Variants in COL4A4 observed in about 807,000 individuals in gnomAD.
COL4A4 encodes collagen alpha-4(IV) chain.
A neutral mutation model predicts 192.9 loss-of-function variants in COL4A4; 105 were observed. The observed-to-expected ratio is 0.54, with a 90% CI of 0.46 to 0.64. The LOEUF (loss-of-function observed/expected upper bound fraction) is 0.64. Among genes scored for constraint, COL4A4 ranks in the 30% least tolerant of loss-of-function variants. The probability of loss-of-function intolerance (pLI) is 0.00; values close to 1 mark genes in which losing one functional copy is unlikely to be tolerated. For missense variants in COL4A4, 1,967 were observed against 2,169.3 expected (o/e 0.91, Z 1.85); for synonymous variants, 762 against 769.9 (o/e 0.99, Z 0.17).
chr2:227,058,669 C>T (rs577320121), intron 28 of COL4A4, among the ~76,000 whole-genome samples: 2 of 152,238 alleles, frequency 1.3e-5, no homozygotes, highest in Admixed American at 6.5e-5. Flanking sequence ...TCTTGATCAC[C>T]ATCACCCAAG....
At chr2:227,144,257 G>C (rs2063400488) in intron 3 of COL4A4, among the ~76,000 whole-genome samples, 2 of 152,064 alleles carry the variant, frequency 1.3e-5, no homozygotes, top group African/African-American at 4.8e-5. Context: ...GCTGCCTCTT[G>C]CCTGTCTCCA....
chr2:227,161,843 T>G (rs964852190), intron 1 of COL4A4, among the ~76,000 whole-genome samples: 1 of 152,092 alleles, frequency 6.6e-6, no homozygotes. Context: ...TCATAGGCTA[T>G]GCTTGCCTCC....
At chr2:227,019,400 T>C (rs1559423127) in intron 44 of COL4A4, among the ~76,000 whole-genome samples, 2 of 152,214 alleles carry the variant, frequency 1.3e-5, no homozygotes, top group African/African-American at 4.8e-5. Context: ...GGGACCAAAG[T>C]TGCTGCTAGT....
At chr2:227,133,918 A>C (rs573820107) in intron 4 of COL4A4, among the ~76,000 whole-genome samples, 1 of 152,136 alleles carries the variant, frequency 6.6e-6, no homozygotes, top group African/African-American at 2.4e-5. Flanking sequence ...AAAGAATTTA[A>C]AAAAGAAAGA....
At position 227,112,542 on chromosome 2, in the gene COL4A4, T is replaced by G. The variant is rs2061273855; in HGVS notation, c.559-829A>C. ...CCTTGGCCTTCCAAAGTGCTGGGAT[T>G]ACAGGCGTGAGCCACCACGCCTGGC... On this transcript the variant is annotated intron_variant, in intron 8 of 47. Coordinates refer to ENST00000396625, the MANE Select transcript of COL4A4 (RefSeq NM_000092.5). 5.3e-5 allele frequency among the ~76,000 whole-genome samples: 8 copies of G among 152,152 alleles called. No homozygotes were observed. The South Asian group carries it at 1.7e-3, about 32-fold the overall frequency.
chr2:227,052,722 A>AC lies in COL4A4; in HGVS notation c.2861-311_2861-310insG, dbSNP rs3835891. Among the ~76,000 whole-genome samples, 120,875 of 152,134 alleles carry AC rather than the reference A, an allele frequency of 0.79. 49,026 individuals are homozygous for AC. Among genetic ancestry groups the AC allele is most frequent in the East Asian group, 0.99 (5,120 of 5,176 alleles). On this transcript the variant is annotated intron_variant, in intron 31 of 47. Coordinates refer to ENST00000396625, the MANE Select transcript of COL4A4 (RefSeq NM_000092.5). ...AGACAGATTTGAAAAGTTCCAGTCT[A>AC]AAAAAATGTCGCTTTGTTCTATAAA...
intron 9 of COL4A4, among the ~76,000 whole-genome samples, chr2:227,110,041 G>A (rs974804463): frequency 1.3e-5 from 2 of 151,906 alleles, no homozygotes; most frequent in Non-Finnish European, 2.9e-5. Flanking sequence ...CTCAAATTGC[G>A]GAAATATAGT....
intron 41 of COL4A4, among the ~76,000 whole-genome samples, chr2:227,029,809 G>A (rs539550240): frequency 2.8e-4 from 42 of 152,190 alleles, no homozygotes; most frequent in Admixed American, 2.3e-3. Flanking sequence ...CAAATACTGG[G>A]GAAATTCAGT....
At chr2:226,994,831 C>T in the COL4A4 span, among the ~76,000 whole-genome samples, 1 of 152,164 alleles carries the variant, frequency 6.6e-6, no homozygotes, top group Non-Finnish European at 1.5e-5. Context: ...AAACTCTTTT[C>T]AGTAACGATT....
chr2:227,019,730 C>G (rs1205071072), intron 44 of COL4A4, among the ~76,000 whole-genome samples: 1 of 152,204 alleles, frequency 6.6e-6, no homozygotes, highest in Non-Finnish European at 1.5e-5. Flanking sequence ...TGCAGTGGTG[C>G]GATCTCAGCT....
chr2:227,051,699 G>A (rs1024092799), intron 32 of COL4A4, among the ~76,000 whole-genome samples: 2 of 152,134 alleles, frequency 1.3e-5, no homozygotes, highest in South Asian at 4.1e-4. Context: ...GAGAGGCACT[G>A]GTCACAATGA....
intron 35 of COL4A4, among the ~76,000 whole-genome samples, chr2:227,043,809 A>C (rs1971922847): frequency 1.3e-5 from 2 of 152,190 alleles, no homozygotes; most frequent in Admixed American, 1.3e-4. Flanking sequence ...AAAAATAAGA[A>C]CGTTTTTCTA....
intron 4 of COL4A4, among the ~76,000 whole-genome samples, chr2:227,129,827 T>G (rs1341213569): frequency 1.3e-5 from 2 of 152,242 alleles, no homozygotes; most frequent in Non-Finnish European, 2.9e-5. Context: ...CATGATCAAT[T>G]AAAACTTCCA....
chr2:227,128,201 C>G lies in COL4A4; in HGVS notation c.193-7053G>C, dbSNP rs1576716792. 5.3e-5 allele frequency among the ~76,000 whole-genome samples: 8 copies of G among 152,168 alleles called. No individual in the cohort carries two copies. In the South Asian group the frequency reaches 8.3e-4, roughly 16 times the overall value. On this transcript the variant is annotated intron_variant, in intron 4 of 47. Transcript: ENST00000396625. ...TCTCACCTAAACCTCTCCTCTTCCC[C>G]CTACCTGAGCCTGAGCCTAGCACAA...
In COL4A4 at chr2:227,054,726, G is replaced by GC; in HGVS notation, c.2727dup (p.Leu910AlafsTer53). On this transcript the variant is annotated frameshift_variant, in exon 31 of 48. Transcript: ENST00000396625. LOFTEE classifies it high-confidence loss of function. ...CCGGGAAAACCTGGGAAACCAGGCA[G>GC]CCCCCGGGGTCCTGGTGAAATGAGA... 1 of 1,614,024 alleles carries GC rather than the reference G, an allele frequency of 6.2e-7. No individual in the cohort carries two copies. Among genetic ancestry groups the GC allele is most frequent in the Non-Finnish European group, 8.5e-7 (1 of 1,179,992 alleles).
At position 227,077,881 on chromosome 2, in the gene COL4A4, T is replaced by G. The variant is rs1260374252; in HGVS notation, c.1987+13A>C. On this transcript the variant is annotated intron_variant, in intron 25 of 47. Transcript: ENST00000396625. ...CAAAGCTATTGAAATAAATAAAATTTTTTTAAAATTACCTTTCTGACCCTT... is the reference window on the plus strand; with the variant it reads ...CAAAGCTATTGAAATAAATAAAATTGTTTTAAAATTACCTTTCTGACCCTT... The G allele has an allele frequency of 2.5e-6, 4 of 1,608,788 alleles. No individual in the cohort carries two copies. In the South Asian group the frequency reaches 3.3e-5, roughly 13 times the overall value.
At position 227,067,362 on chromosome 2, in the gene COL4A4, C is replaced by T. The variant is rs541957539; in HGVS notation, c.1988-4764G>A. Reference sequence around the variant, plus strand: ...GAATTGAACTCAGCTCTGCACCAAGCAGACCTAATAGACATCTACAGAACT... The same window carrying T: ...GAATTGAACTCAGCTCTGCACCAAGTAGACCTAATAGACATCTACAGAACT... On this transcript the variant is annotated intron_variant, in intron 25 of 47. Transcript: ENST00000396625. 3.0e-3 allele frequency among the ~76,000 whole-genome samples: 454 copies of T among 152,292 alleles called. 4 individuals carry two copies. The highest frequency in any genetic ancestry group is 0.011 in the African/African-American group (438 of 41,558).
At chr2:227,008,746 A>G (rs1017283432) in intron 46 of COL4A4, among the ~76,000 whole-genome samples, 1 of 152,232 alleles carries the variant, frequency 6.6e-6, no homozygotes, top group South Asian at 2.1e-4. Flanking sequence ...GGTGGTAGTG[A>G]CTACTCAAAA....
Position 227,077,937 on chromosome 2 carries a change from G to A in COL4A4, c.1944C>T (p.Gly648=). Residue 648 remains glycine (G), a synonymous_variant, in exon 25 of 48, where the codon GGC becomes GGT. Coordinates refer to ENST00000396625, the MANE Select transcript of COL4A4 (RefSeq NM_000092.5). ...PGERGHPGVP[G]HPGVRGPDGL... ...CATCAGGGCCCCTCACACCTGGGTGGCCTGGAACTCCTGGGTGGCCTCGCT... is the reference window on the plus strand; with the variant it reads ...CATCAGGGCCCCTCACACCTGGGTGACCTGGAACTCCTGGGTGGCCTCGCT... 2 of 1,613,560 alleles carry A rather than the reference G, an allele frequency of 1.2e-6. No homozygotes were observed. The highest frequency in any genetic ancestry group is 1.1e-5 in the South Asian group (1 of 91,062).
Sources: gnomAD v4.1 joint callset for allele counts (sites outside exome capture counted in the v4.1 genomes callset) on GRCh38, gnomAD v4.1.1 for gene constraint, MANE v1.5 for transcripts, NCBI Gene and HGNC (gene_info 2026-07-23, HGNC 2026-07-21) for gene names.